The following ZC3H12B variants were observed in gnomAD, a reference collection of about 807,000 sequenced individuals.
ZC3H12B encodes zinc finger CCCH-type containing 12B.
Under a neutral mutation model 43.9 loss-of-function variants are expected in ZC3H12B, and 7 were observed. The ratio of observed to expected loss-of-function variants is 0.16; its 90% CI spans 0.09 to 0.30. The LOEUF (loss-of-function observed/expected upper bound fraction) is 0.30, where lower values mean the gene tolerates loss of function less well. Among genes scored for constraint, ZC3H12B ranks in the 10% least tolerant of loss-of-function variants. The pLI is 1.00. For missense variants in ZC3H12B, 475 were observed against 670.2 expected (o/e 0.71, Z 3.22); for synonymous variants, 222 against 241.7 (o/e 0.92, Z 0.76).
intron 3 of ZC3H12B, among the ~76,000 whole-genome samples, chrX:65,451,307 T>C (rs2067507189): frequency 9.0e-6 from 1 of 111,205 alleles, no homozygotes. Context: ...GTTGATATTC[T>C]TGATTTGTTC....
At chrX:65,329,523 T>C in the ZC3H12B span, among the ~76,000 whole-genome samples, 78 of 92,348 alleles carry the variant, frequency 8.4e-4, 1 homozygote, top group Admixed American at 7.4e-3. Flanking sequence ...GACGGAAGTT[T>C]CTTTTGCTGT....
intron 2 of ZC3H12B, 131 bp downstream of exon 7, chrX:65,497,402 T>C: frequency 1.6e-6 from 1 of 612,090 alleles, no homozygotes. Context: ...ATTAAGCATA[T>C]ATTTGAAAAA....
the ZC3H12B span, among the ~76,000 whole-genome samples, chrX:65,349,753 A>C: frequency 8.9e-6 from 1 of 112,322 alleles, no homozygotes; most frequent in African/African-American, 3.2e-5. Flanking sequence ...TAGAAAATCT[A>C]GAAGAAATGG....
At chrX:65,373,422 C>T (rs1035992642) in intron 2 of ZC3H12B, among the ~76,000 whole-genome samples, 1 of 111,361 alleles carries the variant, frequency 9.0e-6, no homozygotes, top group African/African-American at 3.3e-5. Context: ...AATCATGCTG[C>T]TATAAAGACA....
At chrX:65,103,822 A>G in the ZC3H12B span, among the ~76,000 whole-genome samples, 2 of 111,898 alleles carry the variant, frequency 1.8e-5, no homozygotes, top group Non-Finnish European at 3.8e-5. Context: ...AAGAATCAGT[A>G]TTGTGAAAAT....
chrX:65,291,161 A>G, the ZC3H12B span, among the ~76,000 whole-genome samples: 90 of 111,648 alleles, frequency 8.1e-4, no homozygotes, highest in African/African-American at 2.9e-3. Context: ...GTTGGCTAGA[A>G]TGTGGAGAAA....
the ZC3H12B span, among the ~76,000 whole-genome samples, chrX:65,043,535 G>A: frequency 2.8e-4 from 31 of 110,466 alleles, no homozygotes; most frequent in South Asian, 3.4e-3. Flanking sequence ...TCTGAACCTT[G>A]TGGTTTCTAG....
At chrX:65,323,669 T>C in the ZC3H12B span, among the ~76,000 whole-genome samples, 1 of 112,194 alleles carries the variant, frequency 8.9e-6, no homozygotes, top group Admixed American at 9.4e-5. Flanking sequence ...TGCATGTGTC[T>C]TTATAGTAGA....
chrX:65,219,143 G>A, the ZC3H12B span, among the ~76,000 whole-genome samples: 6 of 111,783 alleles, frequency 5.4e-5, no homozygotes, highest in Admixed American at 2.9e-4. Flanking sequence ...TATCAAGGGA[G>A]CATGCCATGA....
exon 5 of ZC3H12B, chrX:65,502,840 C>A: frequency 8.3e-7 from 1 of 1,210,940 alleles, no homozygotes. Flanking sequence ...AGAGCAACCC[C>A]GTGAGGCAAA....
intron 3 of ZC3H12B, among the ~76,000 whole-genome samples, chrX:65,456,931 C>A (rs1273946800): frequency 9.5e-6 from 1 of 105,414 alleles, no homozygotes; most frequent in Non-Finnish European, 2.0e-5. Flanking sequence ...AGCCCCTCTG[C>A]CTGGCTGCCC....
the ZC3H12B span, among the ~76,000 whole-genome samples, chrX:65,300,420 C>A: frequency 9.0e-6 from 1 of 111,432 alleles, no homozygotes; most frequent in Non-Finnish European, 1.9e-5. Flanking sequence ...ACCTGTATGA[C>A]ATAACAGAGA....
chrX:65,054,446 C>G, the ZC3H12B span, among the ~76,000 whole-genome samples: 1 of 111,304 alleles, frequency 9.0e-6, no homozygotes, highest in Non-Finnish European at 1.9e-5. Context: ...TCTGAGGGCT[C>G]TGTTCTGTTC....
chrX:65,466,025 C>T (rs1157813354), intron 3 of ZC3H12B, among the ~76,000 whole-genome samples: 2 of 110,277 alleles, frequency 1.8e-5, no homozygotes, highest in Non-Finnish European at 3.8e-5. Flanking sequence ...TTGAAATCTA[C>T]CCTCTGAGCA....
At chrX:65,153,278 T>C in the ZC3H12B span, among the ~76,000 whole-genome samples, 4 of 111,698 alleles carry the variant, frequency 3.6e-5, no homozygotes, top group East Asian at 2.8e-4. Flanking sequence ...AAAGAAACTA[T>C]CATCAGAGTG....
the ZC3H12B span, among the ~76,000 whole-genome samples, chrX:65,343,688 G>T: frequency 1.8e-5 from 2 of 112,027 alleles, no homozygotes; most frequent in Admixed American, 1.9e-4. Flanking sequence ...AAAATAATGA[G>T]CCATTTATAA....
the ZC3H12B span, among the ~76,000 whole-genome samples, chrX:65,349,508 T>C: frequency 9.0e-6 from 1 of 110,861 alleles, no homozygotes; most frequent in Non-Finnish European, 1.9e-5. Flanking sequence ...AAGAAATAAC[T>C]AAGACCAGAG....
At chrX:65,400,019 A>G in intron 3 of ZC3H12B, among the ~76,000 whole-genome samples, 1 of 111,469 alleles carries the variant, frequency 9.0e-6, no homozygotes, top group Non-Finnish European at 1.9e-5. Flanking sequence ...AAGAGTAGGT[A>G]CAAGAGGCTG....
intron 3 of ZC3H12B, among the ~76,000 whole-genome samples, chrX:65,473,471 C>T (rs191682137): frequency 5.4e-5 from 6 of 112,109 alleles, no homozygotes; most frequent in African/African-American, 9.7e-5. Context: ...ATAGAGATTA[C>T]GTTTACTCTA....
Sources: allele counts gnomAD v4.1 joint callset (sites outside exome capture counted in the v4.1 genomes callset), GRCh38; gene constraint gnomAD v4.1.1; transcripts MANE v1.5; gene names NCBI Gene and HGNC (gene_info 2026-07-23, HGNC 2026-07-21).